Variants in BTBD1 observed in about 807,000 individuals in gnomAD.
BTBD1 encodes the protein BTB domain containing 1, also known as BTB/POZ domain-containing protein 1.
Under a neutral mutation model 48.0 loss-of-function variants are expected in BTBD1, and 34 were observed. That is an observed-to-expected ratio of 0.71 (90% CI 0.54 to 0.94). The LOEUF (loss-of-function observed/expected upper bound fraction) is 0.94, where lower values mean the gene tolerates loss of function less well. BTBD1 is among the 40% of genes least tolerant of loss of function. The pLI is 0.00. For missense variants in BTBD1, 543 were observed against 625.6 expected (o/e 0.87, Z 1.41); for synonymous variants, 261 against 242.1 (o/e 1.08, Z -0.72).
At chr15:83,050,431 TG>T in intron 2 of BTBD1, among the ~76,000 whole-genome samples, 1 of 32,446 alleles carries the variant, frequency 3.1e-5, no homozygotes, top group African/African-American at 1.9e-4. Flanking sequence ...TTTATGTGCT[TG>T]TGTGTGTGTG....
intron 4 of BTBD1, among the ~76,000 whole-genome samples, chr15:83,037,763 T>C (rs1393376623): frequency 6.6e-6 from 1 of 152,192 alleles, no homozygotes; most frequent in Admixed American, 6.5e-5. Context: ...TCACAGATGA[T>C]ATGCTTCTAT....
At chr15:83,052,194 C>G (rs995799411) in intron 2 of BTBD1, among the ~76,000 whole-genome samples, 1 of 152,200 alleles carries the variant, frequency 6.6e-6, no homozygotes, top group East Asian at 1.9e-4. Flanking sequence ...TGACCTCAAG[C>G]GATCCACCTG....
At chr15:83,050,672 CA>C (rs1567110790) in intron 2 of BTBD1, among the ~76,000 whole-genome samples, 1 of 151,996 alleles carries the variant, frequency 6.6e-6, no homozygotes, top group Non-Finnish European at 1.5e-5. Flanking sequence ...CACAACAGTG[CA>C]AATATCAGAT....
intron 4 of BTBD1, among the ~76,000 whole-genome samples, chr15:83,033,667 A>T (rs1052071419): frequency 1.3e-5 from 2 of 151,598 alleles, no homozygotes; most frequent in East Asian, 3.9e-4. Context: ...GCAGCCTTGA[A>T]CTCCTGGGCT....
At chr15:83,054,076 C>G (rs891092244) in intron 2 of BTBD1, among the ~76,000 whole-genome samples, 1 of 151,530 alleles carries the variant, frequency 6.6e-6, no homozygotes, top group African/African-American at 2.4e-5. Flanking sequence ...CGGTGGCTCA[C>G]GCCTATAATC....
chr15:83,031,991 G>T (rs2032526652), intron 4 of BTBD1, among the ~76,000 whole-genome samples: 1 of 152,148 alleles, frequency 6.6e-6, no homozygotes, highest in South Asian at 2.1e-4. Flanking sequence ...ATGTAAACTA[G>T]TACAACCACT....
In BTBD1 at chr15:83,050,125, G is replaced by A. The variant is rs756741421; in HGVS notation, c.612C>T (p.Asp204=). The change falls in exon 3 of 8, where the codon GAC becomes GAT. Residue 204 remains aspartate (D), a synonymous_variant. Coordinates refer to ENST00000261721, the MANE Select transcript of BTBD1 (RefSeq NM_025238.4). The stretch of plus-strand genomic sequence containing the variant: ...CACTTATTGCATCCATTGTGCTTTT[G>A]TCTATTGTATCTAGACAAAGACTAG... ...QLASLCLDTI[D]KSTMDAISAE... 6.2e-7 allele frequency: 1 copy of A among 1,613,140 alleles called. No individual in the cohort carries two copies. The highest frequency in any genetic ancestry group is 2.2e-5 in the East Asian group (1 of 44,780).
intron 4 of BTBD1, among the ~76,000 whole-genome samples, chr15:83,032,555 G>C (rs1030491874): frequency 2.0e-5 from 3 of 152,136 alleles, no homozygotes; most frequent in African/African-American, 7.2e-5. Context: ...CCATAAAATG[G>C]AACGAAACAA....
chr15:83,056,655 TCATC>T (rs2033089103), intron 1 of BTBD1, 110 bp from the exon 2 acceptor site: 45 of 957,286 alleles, frequency 4.7e-5, no homozygotes, highest in African/African-American at 3.7e-4. Flanking sequence ...TTTTATGTTT[TCATC>T]CATCCATCCA....
intron 1 of BTBD1, 137 bp downstream of exon 1, chr15:83,066,614 G>A (rs889784313): frequency 7.4e-6 from 7 of 952,028 alleles, no homozygotes; most frequent in African/African-American, 6.8e-5. Flanking sequence ...GGCTCGGGAG[G>A]AAACTGAGGC....
intron 2 of BTBD1, among the ~76,000 whole-genome samples, chr15:83,054,231 G>A (rs1291167611): frequency 3.3e-5 from 5 of 152,100 alleles, no homozygotes; most frequent in Non-Finnish European, 7.4e-5. Flanking sequence ...CCAGCTACTC[G>A]GGTGGCTGAG....
intron 1 of BTBD1, among the ~76,000 whole-genome samples, chr15:83,059,406 A>G (rs570937733): frequency 7.9e-5 from 12 of 152,272 alleles, no homozygotes; most frequent in African/African-American, 2.9e-4. Flanking sequence ...ATTAGCCGGC[A>G]TGGTGGCGGG....
Position 83,046,401 on chromosome 15 carries a change from T to C in BTBD1, c.664+3672A>G, listed in dbSNP as rs989056246. Among the ~76,000 whole-genome samples, 7 of 152,082 alleles carry C rather than the reference T, an allele frequency of 4.6e-5. No homozygotes were observed. The East Asian group carries it at 1.2e-3, about 25-fold the overall frequency. ...TACGAAGTTAAAGCTGAGAACCAAATAAAGATCAGAAAAACACAGCAGATT... is the reference window on the plus strand; with the variant it reads ...TACGAAGTTAAAGCTGAGAACCAAACAAAGATCAGAAAAACACAGCAGATT... On this transcript the variant is annotated intron_variant, in intron 3 of 7. Transcript: ENST00000261721.
rs111249275 is a variant in BTBD1, at chr15:83,021,664, G to A, written c.1056-902C>T. On this transcript the variant is annotated intron_variant, in intron 5 of 7. Coordinates refer to ENST00000261721, the MANE Select transcript of BTBD1 (RefSeq NM_025238.4). The stretch of plus-strand genomic sequence containing the variant: ...AGCTACTAGAGAAACTGAGGCAGGA[G>A]AATCGTTTGAACCTGGGAGAAGGAA... Among the ~76,000 whole-genome samples the A allele has an allele frequency of 1.3e-3, 200 of 152,080 alleles. 1 individual carries two copies. The highest frequency in any genetic ancestry group is 4.7e-3 in the African/African-American group (194 of 41,498).
Position 83,061,565 on chromosome 15 carries a change from A to C in BTBD1, c.402-5020T>G, listed in dbSNP as rs1230600403. On this transcript the variant is annotated intron_variant, in intron 1 of 7. Transcript: ENST00000261721. ...GATTGTGGCAGAGTGACATTGCACCAGTCTGAGACCTACACCTTAAGGATG... is the reference window on the plus strand; with the variant it reads ...GATTGTGGCAGAGTGACATTGCACCCGTCTGAGACCTACACCTTAAGGATG... The C allele has an allele frequency of 2.7e-5, 4 of 147,660 alleles. No individual in the cohort carries two copies. In the East Asian group the frequency reaches 6.1e-4, roughly 22 times the overall value. 9.1% of individuals were successfully genotyped at this position (147,660 alleles called of 1,614,324 possible). A position where few individuals can be genotyped will look rare whatever the true frequency, so the allele number is the denominator to read the frequency against.
chr15:83,044,615 G>A, intron 3 of BTBD1: 3 of 1,581,818 alleles, frequency 1.9e-6, no homozygotes, highest in Admixed American at 3.3e-5. Flanking sequence ...GAAAAACTCA[G>A]ACTGTGTGCA....
chr15:83,041,959 A>T, intron 3 of BTBD1, 34 bp from the exon 4 acceptor site: 1 of 1,591,298 alleles, frequency 6.3e-7, no homozygotes, highest in Non-Finnish European at 8.6e-7. Flanking sequence ...CCCAATTAGA[A>T]ATATTTTAGC....
Position 83,067,070 on chromosome 15 carries a change from G to C in BTBD1, c.82C>G (p.Pro28Ala). The C allele has an allele frequency of 6.4e-7, 1 of 1,555,474 alleles. No homozygotes were observed. The highest frequency in any genetic ancestry group is 8.7e-7 in the Non-Finnish European group (1 of 1,155,724). Residue 28 changes from proline to alanine, a missense_variant, in exon 1 of 8, where the codon CCG becomes GCG. By Grantham distance (27) the Pro-to-Ala change is conservative (BLOSUM62 -1). This residue lies in a region of BTBD1 where 173 missense variants were observed against 163.9 expected (regional missense o/e 1.06). Coordinates refer to ENST00000261721, the MANE Select transcript of BTBD1 (RefSeq NM_025238.4). The part of the protein sequence containing the change: ...AEPGPAGPPP[P>A]PSPSSLGPLL... ...GGCCCCAGAGAGGACGGTGAGGGCG[G>C]CGGCGGCGGCCCCGCGGGGCCCGGC...
At chr15:83,064,866 C>A (rs925163328) in intron 1 of BTBD1, among the ~76,000 whole-genome samples, 4 of 152,282 alleles carry the variant, frequency 2.6e-5, no homozygotes, top group South Asian at 2.1e-4. Context: ...AGGTCCCCCC[C>A]CTTTATAAAT....
Sources: gnomAD v4.1 joint callset for allele counts (sites outside exome capture counted in the v4.1 genomes callset) on GRCh38, gnomAD v4.1.1 for gene constraint, gnomAD v4.1.1 regional missense constraint, MANE v1.5 for transcripts, NCBI Gene and HGNC (gene_info 2026-07-23, HGNC 2026-07-21) for gene names.